Variants in ADTRP observed in about 807,000 individuals in gnomAD.
ADTRP encodes androgen dependent TFPI regulating protein.
ADTRP carries 20 observed loss-of-function variants against 27.0 expected under a neutral mutation model. The ratio of observed to expected loss-of-function variants is 0.74; its 90% CI spans 0.52 to 1.08. The LOEUF is 1.08. Ranked by LOEUF, ADTRP falls within the 50% of genes least tolerant of loss-of-function variation. The probability of loss-of-function intolerance (pLI) is 0.00; values close to 1 mark genes in which losing one functional copy is unlikely to be tolerated. For missense variants in ADTRP, 251 were observed against 275.0 expected, an observed-to-expected ratio of 0.91 and a Z score of 0.62; for synonymous variants, 101 against 105.2, an observed-to-expected ratio of 0.96 and a Z score of 0.25.
At chr6:11,771,242 G>C (rs1763768243) in intron 1 of ADTRP, among the ~76,000 whole-genome samples, 1 of 152,202 alleles carries the variant, frequency 6.6e-6, no homozygotes, top group South Asian at 2.1e-4. Flanking sequence ...ATGGCACACG[G>C]GCCTCTCTAG....
chr6:11,731,189 G>C (rs1173776919), intron 4 of ADTRP, among the ~76,000 whole-genome samples: 1 of 152,196 alleles, frequency 6.6e-6, no homozygotes, highest in Non-Finnish European at 1.5e-5. Context: ...GGTGCTTGGG[G>C]ATATCACTGG....
chr6:11,748,308 C>T (rs1183471522), intron 3 of ADTRP, among the ~76,000 whole-genome samples: 1 of 152,210 alleles, frequency 6.6e-6, no homozygotes, highest in Non-Finnish European at 1.5e-5. Flanking sequence ...TTGCTAAAGG[C>T]TTTCCCTCTG....
chr6:11,729,585 C>T (rs1030515666), intron 4 of ADTRP, among the ~76,000 whole-genome samples: 5 of 152,102 alleles, frequency 3.3e-5, no homozygotes, highest in Admixed American at 6.5e-5. Context: ...TGTCACTCCA[C>T]GAGGGTTCAA....
chr6:11,750,985 G>A (rs993036131), intron 3 of ADTRP, among the ~76,000 whole-genome samples: 2 of 152,204 alleles, frequency 1.3e-5, no homozygotes, highest in African/African-American at 4.8e-5. Context: ...TCAAGTAGCT[G>A]AGACTACAGG....
chr6:11,718,910 C>T (rs1054247264), intron 5 of ADTRP, among the ~76,000 whole-genome samples: 1 of 152,224 alleles, frequency 6.6e-6, no homozygotes, highest in Admixed American at 6.5e-5. Context: ...AAAGCCAGTT[C>T]CCTGCAACTG....
At chr6:11,774,608 T>C (rs1445442109) in intron 1 of ADTRP, among the ~76,000 whole-genome samples, 2 of 151,264 alleles carry the variant, frequency 1.3e-5, no homozygotes, top group Non-Finnish European at 2.9e-5. Context: ...GGAAAGGTCA[T>C]GCTTCTGTTG....
At chr6:11,742,268 C>A (rs895353789) in intron 3 of ADTRP, among the ~76,000 whole-genome samples, 1 of 152,142 alleles carries the variant, frequency 6.6e-6, no homozygotes, top group Non-Finnish European at 1.5e-5. Context: ...CCTTATTATC[C>A]TTTTGTTTCA....
chr6:11,721,616 T>C (rs976335939), intron 5 of ADTRP, among the ~76,000 whole-genome samples: 1 of 152,230 alleles, frequency 6.6e-6, no homozygotes, highest in Non-Finnish European at 1.5e-5. Context: ...CTTTCTCTTC[T>C]TTAAAAAGTT....
chr6:11,741,906 C>A (rs1177313947), intron 3 of ADTRP, among the ~76,000 whole-genome samples: 3 of 152,068 alleles, frequency 2.0e-5, no homozygotes, highest in African/African-American at 7.2e-5. Flanking sequence ...CACTCCTTTA[C>A]TCCTCACACT....
intron 3 of ADTRP, among the ~76,000 whole-genome samples, chr6:11,758,008 G>T (rs1763266797): frequency 6.6e-6 from 1 of 152,128 alleles, no homozygotes; most frequent in Non-Finnish European, 1.5e-5. Context: ...CTCTCCTTCG[G>T]CTCAATATTC....
chr6:11,778,533 C>A, intron 1 of ADTRP, 74 bp downstream of exon 1: 13 of 1,461,536 alleles, frequency 8.9e-6, no homozygotes, highest in South Asian at 3.0e-5. Flanking sequence ...TAATAAAATC[C>A]AAAGATGATA....
At chr6:11,755,285 A>T (rs1272847041) in intron 3 of ADTRP, among the ~76,000 whole-genome samples, 1 of 152,194 alleles carries the variant, frequency 6.6e-6, no homozygotes, top group Non-Finnish European at 1.5e-5. Flanking sequence ...TCTTCTGTTT[A>T]AAAAGCAGCC....
At chr6:11,775,312 T>G (rs1561779087) in intron 1 of ADTRP, among the ~76,000 whole-genome samples, 3 of 152,194 alleles carry the variant, frequency 2.0e-5, no homozygotes, top group South Asian at 2.1e-4. Context: ...AACACCCTGC[T>G]GACGCCATTC....
chr6:11,736,837 T>G (rs973658490), intron 3 of ADTRP: 37 of 152,374 alleles, frequency 2.4e-4, no homozygotes, highest in African/African-American at 8.7e-4. Flanking sequence ...CGTTTCTTGT[T>G]GCATTTAGCA....
At chr6:11,750,500 C>A (rs1486469813) in intron 3 of ADTRP, among the ~76,000 whole-genome samples, 1 of 152,226 alleles carries the variant, frequency 6.6e-6, no homozygotes, top group African/African-American at 2.4e-5. Context: ...CAAACTCATC[C>A]TTAATTGTTA....
chr6:11,772,968 G>A (rs1763832473), intron 1 of ADTRP, among the ~76,000 whole-genome samples: 1 of 152,202 alleles, frequency 6.6e-6, no homozygotes, highest in African/African-American at 2.4e-5. Context: ...AGAATGCTTG[G>A]CCAATGTCGC....
intron 3 of ADTRP, among the ~76,000 whole-genome samples, chr6:11,737,212 T>C (rs766902872): frequency 1.3e-5 from 2 of 152,054 alleles, no homozygotes; most frequent in Non-Finnish European, 1.5e-5. Flanking sequence ...CTAGTAGTGC[T>C]AGTATTTTGC....
At chr6:11,777,490 G>T (rs1235893378) in intron 1 of ADTRP, among the ~76,000 whole-genome samples, 1 of 151,798 alleles carries the variant, frequency 6.6e-6, no homozygotes, top group Middle Eastern at 3.4e-3. Context: ...GTGGTTTTTT[G>T]TTGTTGTTGT....
chr6:11,736,153 C>G (rs940316541), intron 3 of ADTRP: 1 of 162,036 alleles, frequency 6.2e-6, no homozygotes, highest in East Asian at 1.8e-4. Flanking sequence ...GTGATCTGCC[C>G]GCCTTGGCCT....
Sources: allele counts gnomAD v4.1 joint callset (sites outside exome capture counted in the v4.1 genomes callset), GRCh38; gene constraint gnomAD v4.1.1; transcripts MANE v1.5; gene names NCBI Gene and HGNC (gene_info 2026-07-23, HGNC 2026-07-21).